The following ARAP2 variants were observed in gnomAD, a reference collection of about 807,000 sequenced individuals.
ARAP2 encodes arf-GAP with Rho-GAP domain, ANK repeat and PH domain-containing protein 2.
A neutral mutation model predicts 194.5 loss-of-function variants in ARAP2; 148 were observed. The ratio of observed to expected loss-of-function variants is 0.76; its 90% CI spans 0.67 to 0.87. ARAP2 has a LOEUF of 0.87. ARAP2 is among the 40% of genes least tolerant of loss of function. The pLI is 0.00. For missense variants in ARAP2, 2,128 were observed against 1,989.7 expected (o/e 1.07, Z -1.32); for synonymous variants, 695 against 683.5 (o/e 1.02, Z -0.26).
chr4:36,213,173 TGAA>T, intron 4 of ARAP2, 67 bp downstream of exon 4: 1 of 1,132,194 alleles, frequency 8.8e-7, no homozygotes, highest in Non-Finnish European at 1.3e-6. Context: ...TGGAGAAAAA[TGAA>T]GAGGTACAAA....
At chr4:36,242,317 C>T (rs1753673877) in intron 1 of ARAP2, among the ~76,000 whole-genome samples, 1 of 152,074 alleles carries the variant, frequency 6.6e-6, no homozygotes, top group Non-Finnish European at 1.5e-5. Flanking sequence ...AGAAATGTAT[C>T]AATAAATAAA....
At chr4:36,041,203 C>T (rs1478603232) in intron 5 of ARAP2, among the ~76,000 whole-genome samples, 3 of 152,094 alleles carry the variant, frequency 2.0e-5, no homozygotes, top group Admixed American at 1.3e-4. Context: ...AGAGCTTCTG[C>T]ACAGCAAATG....
At chr4:36,014,301 A>AGAAG (rs1447490307) in intron 8 of ARAP2, among the ~76,000 whole-genome samples, 1 of 98,638 alleles carries the variant, frequency 1.0e-5, no homozygotes, top group African/African-American at 4.9e-5. Context: ...AAGAAAGAAG[A>AGAAG]GAAGGAAGGA....
At chr4:36,214,086 T>C (rs1224503272) in intron 3 of ARAP2, among the ~76,000 whole-genome samples, 1 of 152,152 alleles carries the variant, frequency 6.6e-6, no homozygotes, top group Admixed American at 6.5e-5. Context: ...CATGGCAAAA[T>C]CACTTTCCGT....
Position 36,220,016 on chromosome 4 carries a change from T to C in ARAP2, c.906-5536A>G, listed in dbSNP as rs565990311. ...AAGCATCCTTTATGTGTTCATTATGTCCAGATTCTCGATACTTCTATAAAG... is the reference window on the plus strand; with the variant it reads ...AAGCATCCTTTATGTGTTCATTATGCCCAGATTCTCGATACTTCTATAAAG... On this transcript the variant is annotated intron_variant, in intron 2 of 32. Coordinates refer to ENST00000303965, the MANE Select transcript of ARAP2 (RefSeq NM_015230.4). Among the ~76,000 whole-genome samples, 67 of 152,294 alleles carry C rather than the reference T, an allele frequency of 4.4e-4. 3 individuals carry two copies. The highest frequency in any genetic ancestry group is 1.3e-3 in the African/African-American group (52 of 41,568).
intron 20 of ARAP2, among the ~76,000 whole-genome samples, chr4:36,131,439 T>C (rs1360795685): frequency 6.6e-6 from 1 of 151,096 alleles, no homozygotes; most frequent in African/African-American, 2.4e-5. Context: ...AATATATGTA[T>C]GTACACATAT....
chr4:36,108,780 T>G (rs1424679329), intron 26 of ARAP2, among the ~76,000 whole-genome samples: 1 of 151,970 alleles, frequency 6.6e-6, no homozygotes, highest in Admixed American at 6.6e-5. Context: ...CAGAAACATA[T>G]GCTGGAATAA....
At chr4:36,164,377 G>A (rs1734795488) in intron 11 of ARAP2, among the ~76,000 whole-genome samples, 1 of 152,138 alleles carries the variant, frequency 6.6e-6, no homozygotes, top group African/African-American at 2.4e-5. Flanking sequence ...AATACACTGA[G>A]ATGTCAGGTT....
intron 1 of ARAP2, among the ~76,000 whole-genome samples, chr4:36,238,324 C>A (rs1752821981): frequency 2.0e-5 from 3 of 152,114 alleles, no homozygotes; most frequent in African/African-American, 7.2e-5. Context: ...TGGATGTTTG[C>A]AAACCATTTT....
chr4:36,121,668 T>C (rs1465397855), intron 22 of ARAP2, among the ~76,000 whole-genome samples: 2 of 151,484 alleles, frequency 1.3e-5, no homozygotes, highest in Non-Finnish European at 3.0e-5. Context: ...AAATGACTTG[T>C]GGGGCTGCAG....
At chr4:36,100,763 T>A (rs1173377226) in intron 27 of ARAP2, among the ~76,000 whole-genome samples, 1 of 152,002 alleles carries the variant, frequency 6.6e-6, no homozygotes. Flanking sequence ...TCTTACTTTC[T>A]TTTTTTAATT....
intron 6 of ARAP2, among the ~76,000 whole-genome samples, 184 bp downstream of exon 6, chr4:36,210,206 C>G (rs952122197): frequency 2.0e-5 from 3 of 152,146 alleles, no homozygotes; most frequent in Non-Finnish European, 4.4e-5. Flanking sequence ...CATTGCACAT[C>G]TCTCTCCTTA....
chr4:36,031,085 G>A (rs778344572), intron 5 of ARAP2, among the ~76,000 whole-genome samples: 2 of 152,094 alleles, frequency 1.3e-5, no homozygotes, highest in South Asian at 2.1e-4. Flanking sequence ...AGCCAAGATC[G>A]TGCCATTGCA....
chr4:36,197,538 G>A (rs1743387121), intron 6 of ARAP2, among the ~76,000 whole-genome samples: 1 of 152,206 alleles, frequency 6.6e-6, no homozygotes, highest in Non-Finnish European at 1.5e-5. Context: ...TGTGGCTGGT[G>A]GCACCTTTGC....
intron 26 of ARAP2, among the ~76,000 whole-genome samples, chr4:36,108,896 G>C (rs536579807): frequency 6.6e-6 from 1 of 151,970 alleles, no homozygotes; most frequent in East Asian, 1.9e-4. Context: ...TAGTGTTGTA[G>C]CCATGTAAAA....
At chr4:36,164,688 C>T (rs1560571871) in intron 11 of ARAP2, among the ~76,000 whole-genome samples, 1 of 152,126 alleles carries the variant, frequency 6.6e-6, no homozygotes, top group Non-Finnish European at 1.5e-5. Context: ...TATACATGGA[C>T]CAGTAGGCAT....
chr4:36,059,336 T>A (rs1724030614), intron 1 of ARAP2, among the ~76,000 whole-genome samples: 1 of 152,122 alleles, frequency 6.6e-6, no homozygotes, highest in African/African-American at 2.4e-5. Flanking sequence ...AAGTTGAGAA[T>A]CTTTTGCCAT....
Position 36,177,819 on chromosome 4 carries a change from G to A in ARAP2, c.1857+8C>T, listed in dbSNP as rs763459260. The A allele has an allele frequency of 1.9e-6, 3 of 1,593,612 alleles. No individual in the cohort carries two copies. The highest frequency in any genetic ancestry group is 3.6e-5 in the Admixed American group (2 of 56,002). Reference sequence around the variant, plus strand: ...GCAGCAATTTGCAATGACTATAACAGAGCTCACCTGTTCGTTTTTGCAAAG... The same window carrying A: ...GCAGCAATTTGCAATGACTATAACAAAGCTCACCTGTTCGTTTTTGCAAAG... On this transcript the variant is annotated splice_region_variant and intron_variant, in intron 9 of 32. Coordinates refer to ENST00000303965, the MANE Select transcript of ARAP2 (RefSeq NM_015230.4).
intron 27 of ARAP2, among the ~76,000 whole-genome samples, chr4:36,098,026 A>C (rs746331822): frequency 2.3e-4 from 34 of 149,626 alleles, no homozygotes; most frequent in Non-Finnish European, 3.7e-4. Context: ...TCATGTAACC[A>C]GGCAATGAAA....
Sources: allele counts gnomAD v4.1 joint callset (sites outside exome capture counted in the v4.1 genomes callset), GRCh38; gene constraint gnomAD v4.1.1; transcripts MANE v1.5; gene names NCBI Gene and HGNC (gene_info 2026-07-23, HGNC 2026-07-21).